The following SPEN variants were observed in gnomAD, a reference collection of about 807,000 sequenced individuals.
The protein encoded by SPEN is spen family transcriptional repressor, also known as msx2-interacting protein.
A neutral mutation model predicts 269.9 loss-of-function variants in SPEN; 18 were observed. The ratio of observed to expected loss-of-function variants is 0.07; its 90% CI spans 0.05 to 0.10. The LOEUF (loss-of-function observed/expected upper bound fraction) is 0.10. Among genes scored for constraint, SPEN ranks in the 10% least tolerant of loss-of-function variants. The probability of loss-of-function intolerance (pLI) is 1.00; values close to 1 mark genes in which losing one functional copy is unlikely to be tolerated. For missense variants in SPEN, 3,822 were observed against 4,631.2 expected, an observed-to-expected ratio of 0.83 and a Z score of 5.07; for synonymous variants, 1,726 against 1,765.7, an observed-to-expected ratio of 0.98 and a Z score of 0.56.
intron 13 of SPEN, among the ~76,000 whole-genome samples, 190 bp downstream of exon 13, chr1:15,938,196 C>T (rs1044963135): frequency 6.6e-6 from 1 of 152,174 alleles, no homozygotes; most frequent in Non-Finnish European, 1.5e-5. Context: ...CTCTGCCTCC[C>T]GGGTTCAAGC....
intron 3 of SPEN, among the ~76,000 whole-genome samples, chr1:15,886,520 C>T (rs1206306538): frequency 6.6e-6 from 1 of 152,066 alleles, no homozygotes; most frequent in Non-Finnish European, 1.5e-5. Flanking sequence ...CTGGGCCAGG[C>T]GGTGGGAGGG....
At chr1:15,869,355 C>A (rs1338918979) in intron 1 of SPEN, among the ~76,000 whole-genome samples, 1 of 151,778 alleles carries the variant, frequency 6.6e-6, no homozygotes, top group Non-Finnish European at 1.5e-5. Context: ...CGTGCCCGGC[C>A]CTTTTGGTCT....
Position 15,937,124 on chromosome 1 carries a change from A to C in SPEN, c.10027-39A>C, listed in dbSNP as rs1326531834. On this transcript the variant is annotated intron_variant, in intron 11 of 14. Coordinates refer to ENST00000375759, the MANE Select transcript of SPEN (RefSeq NM_015001.3). The surrounding 1 kb of genome is among the most constrained non-coding windows in gnomAD (Gnocchi z 5.7). ...TTGGTCTCAGGGGCTTGTGCACAAC[A>C]GACTGACTCTGTCCCTTTGCCTTCC... 1 of 1,584,562 alleles carries C rather than the reference A, an allele frequency of 6.3e-7. No homozygotes were observed. The highest frequency in any genetic ancestry group is 2.3e-5 in the East Asian group (1 of 44,424).
At chr1:15,916,784 T>C (rs1182572380) in intron 6 of SPEN, among the ~76,000 whole-genome samples, 1 of 152,180 alleles carries the variant, frequency 6.6e-6, no homozygotes, top group Non-Finnish European at 1.5e-5. Flanking sequence ...ATGCCATCTC[T>C]AGTCCTGTGG....
In SPEN at chr1:15,868,891, T is replaced by C. The variant is rs370395070; in HGVS notation, c.84-3925T>C. 1.7e-4 allele frequency among the ~76,000 whole-genome samples: 26 copies of C among 152,340 alleles called. No homozygotes were observed. The South Asian group carries it at 5.2e-3, about 30-fold the overall frequency. On this transcript the variant is annotated intron_variant, in intron 1 of 14. Transcript: ENST00000375759. Reference sequence around the variant, plus strand: ...TTACAAATTTTACTGTCTTACTTGGTTATGTTCAAATTGTAGGAGTCTTGT... The same window carrying C: ...TTACAAATTTTACTGTCTTACTTGGCTATGTTCAAATTGTAGGAGTCTTGT...
rs1176429766 is a variant in SPEN, at chr1:15,938,814, A to G, written c.10801A>G (p.Thr3601Ala). 5 of 1,614,030 alleles carry G rather than the reference A, an allele frequency of 3.1e-6. No individual in the cohort carries two copies. The highest frequency in any genetic ancestry group is 4.2e-6 in the Non-Finnish European group (5 of 1,179,996). The part of the protein sequence containing the change: ...QTESLKAAFI[T>A]YLQAKQAAGI... ...CGAGTCCCTCAAGGCTGCCTTCATC[A>G]CTTACCTGCAGGCCAAGCAGGCGGC... Residue 3601 changes from threonine to alanine, a missense_variant, in exon 14 of 15, where the codon ACT becomes GCT. Thr to Ala is a moderately conservative substitution (Grantham distance 58). Around this residue, in one of 16 missense-constraint regions of SPEN, gnomAD observed 103 missense variants for 215.8 expected, o/e 0.48. Transcript: ENST00000375759.
In SPEN at chr1:15,935,105, C is replaced by A. The variant is rs765002186; in HGVS notation, c.8865C>A (p.Thr2955=). 1 of 1,614,082 alleles carries A rather than the reference C, an allele frequency of 6.2e-7. No homozygotes were observed. Among genetic ancestry groups the A allele is most frequent in the Non-Finnish European group, 8.5e-7 (1 of 1,180,008 alleles). The part of the protein sequence containing the change: ...NQLVLTPSIV[T]TNKKLADPVT... Reference sequence around the variant, plus strand: ...TGGTCCTCACCCCAAGCATTGTCACCACAAACAAGAAGCTTGCTGACCCCG... The same window carrying A: ...TGGTCCTCACCCCAAGCATTGTCACAACAAACAAGAAGCTTGCTGACCCCG... The change falls in exon 11 of 15, where the codon ACC becomes ACA. Residue 2955 remains threonine (T), a synonymous_variant. Coordinates refer to ENST00000375759, the MANE Select transcript of SPEN (RefSeq NM_015001.3). This position sits in a 1 kb window ranked among gnomAD's most constrained non-coding sequence, Gnocchi z 7.7.
rs767225253 is a variant in SPEN at position 15,932,149 on chromosome 1, A to T, written c.5909A>T (p.Glu1970Val). 6.2e-7 allele frequency: 1 copy of T among 1,612,902 alleles called. No homozygotes were observed. The highest frequency in any genetic ancestry group is 1.1e-5 in the South Asian group (1 of 91,014). Residue 1970 changes from glutamate to valine, a missense_variant, in exon 11 of 15, where the codon GAA becomes GTA. This residue lies in a region of SPEN where 533 missense variants were observed against 618.8 expected (regional missense o/e 0.86). Coordinates refer to ENST00000375759, the MANE Select transcript of SPEN (RefSeq NM_015001.3). The surrounding 1 kb of genome is among the most constrained non-coding windows in gnomAD (Gnocchi z 4.2). Reference sequence around the variant, plus strand: ...GAAGAGGAGGAGAACGAGGCCAAGGAACCTGCAGAAACACTCAAGCCACCT... The same window carrying T: ...GAAGAGGAGGAGAACGAGGCCAAGGTACCTGCAGAAACACTCAAGCCACCT... ...ADEEEENEAK[E>V]PAETLKPPEG...
At chr1:15,886,434 T>G (rs908573805) in intron 3 of SPEN, among the ~76,000 whole-genome samples, 17 of 152,126 alleles carry the variant, frequency 1.1e-4, no homozygotes, top group African/African-American at 4.1e-4. Flanking sequence ...TCCCGGAGGC[T>G]TCCTTGTTTT....
chr1:15,904,653 T>A (rs1018788739), intron 3 of SPEN, among the ~76,000 whole-genome samples: 10 of 151,116 alleles, frequency 6.6e-5, no homozygotes, highest in Non-Finnish European at 1.3e-4. Context: ...TGATAATTTT[T>A]TTTTTTTTTT....
At chr1:15,881,690 A>G (rs2070688812) in intron 3 of SPEN, among the ~76,000 whole-genome samples, 1 of 152,262 alleles carries the variant, frequency 6.6e-6, no homozygotes, top group African/African-American at 2.4e-5. Flanking sequence ...TACAGAAATA[A>G]TCCTCTGGTG....
intron 1 of SPEN, among the ~76,000 whole-genome samples, chr1:15,869,056 T>A (rs2070546268): frequency 6.6e-6 from 1 of 152,102 alleles, no homozygotes; most frequent in South Asian, 2.1e-4. Flanking sequence ...AAATTAATTA[T>A]TTATTAATTT....
Position 15,937,706 on chromosome 1 carries a change from TAA to T in SPEN, c.10509+62_10509+63del, listed in dbSNP as rs2071290532. ...AAGTTTTATGCCATGTCAAATGTCC[TAA>T]GATTCCCTAGTTAACAGACCCACAA... On this transcript the variant is annotated intron_variant, in intron 12 of 14. Coordinates refer to ENST00000375759, the MANE Select transcript of SPEN (RefSeq NM_015001.3). The surrounding 1 kb of genome is among the most constrained non-coding windows in gnomAD (Gnocchi z 5.7). 1 of 1,606,220 alleles carries T rather than the reference TAA, an allele frequency of 6.2e-7. No individual in the cohort carries two copies. Among genetic ancestry groups the T allele is most frequent in the Admixed American group, 1.7e-5 (1 of 59,156 alleles).
intron 3 of SPEN, among the ~76,000 whole-genome samples, chr1:15,883,971 G>A (rs1042187578): frequency 1.3e-5 from 2 of 151,656 alleles, no homozygotes; most frequent in East Asian, 1.9e-4. Flanking sequence ...CACCCCGCCC[G>A]GATAATTTTT....
In SPEN at chr1:15,930,395, T is replaced by C. The variant is rs1199937487; in HGVS notation, c.4155T>C (p.Asp1385=). 1.2e-6 allele frequency: 2 copies of C among 1,613,868 alleles called. No homozygotes were observed. The highest frequency in any genetic ancestry group is 1.1e-5 in the South Asian group (1 of 91,046). ...AGGTGCCTTCTGATTCTGACGAAGATGGTGAACACAAATCCCACTCACCCA... is the reference window on the plus strand; with the variant it reads ...AGGTGCCTTCTGATTCTGACGAAGACGGTGAACACAAATCCCACTCACCCA... The part of the protein sequence containing the change: ...PGEVPSDSDE[D]GEHKSHSPRA... Residue 1385 remains aspartate (D), a synonymous_variant, in exon 11 of 15, where the codon GAT becomes GAC. Coordinates refer to ENST00000375759, the MANE Select transcript of SPEN (RefSeq NM_015001.3). The surrounding 1 kb of genome is among the most constrained non-coding windows in gnomAD (Gnocchi z 5.3).
Position 15,937,148 on chromosome 1 carries a change from C to T in SPEN, c.10027-15C>T. 3.1e-6 allele frequency: 5 copies of T among 1,604,038 alleles called. No individual in the cohort carries two copies. The highest frequency in any genetic ancestry group is 3.4e-6 in the Non-Finnish European group (4 of 1,173,814). On this transcript the variant is annotated splice_polypyrimidine_tract_variant and intron_variant, in intron 11 of 14. Transcript: ENST00000375759. This position sits in a 1 kb window ranked among gnomAD's most constrained non-coding sequence, Gnocchi z 5.7. The stretch of plus-strand genomic sequence containing the variant: ...CAGACTGACTCTGTCCCTTTGCCTT[C>T]CTTCCCTACACCAGGGCCCTCCTCC...
chr1:15,859,986 A>C (rs1356081308), intron 1 of SPEN, among the ~76,000 whole-genome samples: 1 of 126,570 alleles, frequency 7.9e-6, no homozygotes, highest in Non-Finnish European at 1.6e-5. Flanking sequence ...ATCTCAGCTC[A>C]CTGCAAGCTC....
Position 15,930,175 on chromosome 1 carries a change from A to T in SPEN, c.3935A>T (p.Tyr1312Phe). 6.2e-7 allele frequency: 1 copy of T among 1,614,202 alleles called. No individual in the cohort carries two copies. The highest frequency in any genetic ancestry group is 8.5e-7 in the Non-Finnish European group (1 of 1,180,050). ...VREESLKFNP[Y>F]DSSRREQMAD... ...GAAGAGTCTTTAAAATTTAATCCTT[A>T]TGATTCTAGCAGGAGAGAACAGATG... Residue 1312 changes from tyrosine to phenylalanine, a missense_variant, in exon 11 of 15, where the codon TAT (tyrosine) becomes TTT (phenylalanine). Physicochemically the swap from Tyr to Phe is conservative, Grantham distance 22. Transcript: ENST00000375759. The surrounding 1 kb of genome is among the most constrained non-coding windows in gnomAD (Gnocchi z 5.3).
chr1:15,901,858 T>C (rs981402705), intron 3 of SPEN, among the ~76,000 whole-genome samples: 5 of 151,864 alleles, frequency 3.3e-5, no homozygotes, highest in South Asian at 4.1e-4. Context: ...ATTTAAACTT[T>C]AAAATTTTTA....
Sources: allele counts gnomAD v4.1 joint callset (sites outside exome capture counted in the v4.1 genomes callset), GRCh38; gene constraint gnomAD v4.1.1; regional missense constraint gnomAD v4.1.1; non-coding constraint Gnocchi (gnomAD v3.1); transcripts MANE v1.5; gene names NCBI Gene and HGNC (gene_info 2026-07-23, HGNC 2026-07-21).